ADGRL2: variants seen among roughly 807,000 people sequenced by gnomAD.
ADGRL2 encodes adhesion G protein-coupled receptor L2.
ADGRL2 carries 44 observed loss-of-function variants against 157.4 expected under a neutral mutation model. The observed-to-expected ratio is 0.28, with a 90% CI of 0.22 to 0.36. ADGRL2 has a LOEUF of 0.36. ADGRL2 is among the 10% of genes least tolerant of loss of function. The probability of loss-of-function intolerance (pLI) is 1.00; values close to 1 mark genes in which losing one functional copy is unlikely to be tolerated. For synonymous variants in ADGRL2, 585 were observed against 624.7 expected, an observed-to-expected ratio of 0.94 and a Z score of 0.95; for missense variants, 1,510 against 1,768.9, an observed-to-expected ratio of 0.85 and a Z score of 2.63.
chr1:81,563,618 T>A (rs1307149600), intron 2 of ADGRL2, among the ~76,000 whole-genome samples: 1 of 151,976 alleles, frequency 6.6e-6, no homozygotes, highest in Non-Finnish European at 1.5e-5. Context: ...AGCTAAAAAC[T>A]CACTCTTTTT....
At chr1:81,550,149 A>G (rs1570466949) in intron 2 of ADGRL2, among the ~76,000 whole-genome samples, 1 of 152,194 alleles carries the variant, frequency 6.6e-6, no homozygotes, top group Non-Finnish European at 1.5e-5. Flanking sequence ...GATAGCACAG[A>G]TGGAAGATGC....
intron 3 of ADGRL2, among the ~76,000 whole-genome samples, chr1:81,609,149 C>T (rs910696249): frequency 2.6e-5 from 4 of 151,814 alleles, no homozygotes; most frequent in African/African-American, 4.8e-5. Context: ...AAGTGATTCT[C>T]GTGCCTTAGC....
chr1:81,605,076 A>G (rs965013354), intron 3 of ADGRL2, among the ~76,000 whole-genome samples: 7 of 152,248 alleles, frequency 4.6e-5, no homozygotes, highest in African/African-American at 7.2e-5. Flanking sequence ...ACTACCAACC[A>G]CATAACCTGA....
intron 1 of ADGRL2, among the ~76,000 whole-genome samples, chr1:81,831,357 A>G (rs7534946): frequency 2.3e-4 from 35 of 152,276 alleles, no homozygotes; most frequent in African/African-American, 8.4e-4. Flanking sequence ...TTTAGCTGTT[A>G]TTACCTAAGG....
chr1:81,928,207 T>C (rs1316047883), intron 3 of ADGRL2, among the ~76,000 whole-genome samples: 1 of 152,122 alleles, frequency 6.6e-6, no homozygotes, highest in East Asian at 1.9e-4. Context: ...TATGGAGAAG[T>C]GATTAGTAGC....
chr1:81,509,539 A>G (rs2079038686), intron 2 of ADGRL2, among the ~76,000 whole-genome samples: 2 of 152,168 alleles, frequency 1.3e-5, no homozygotes, highest in African/African-American at 4.8e-5. Context: ...ATTTACTGTA[A>G]ACCTTGTGCC....
chr1:81,767,869 G>GA (rs1225496041), intron 2 of ADGRL2, among the ~76,000 whole-genome samples: 19,670 of 112,134 alleles, frequency 0.18, 2,018 homozygotes, highest in East Asian at 0.58. Context: ...AAAAAAAAAA[G>GA]AAAAAAAAAA....
intron 1 of ADGRL2, among the ~76,000 whole-genome samples, chr1:81,802,958 G>T (rs1016861649): frequency 1.3e-5 from 2 of 152,074 alleles, no homozygotes; most frequent in Non-Finnish European, 2.9e-5. Flanking sequence ...GGGCGGCCTC[G>T]TGGGTCGGGA....
At chr1:81,534,068 A>C (rs2148274159) in intron 2 of ADGRL2, among the ~76,000 whole-genome samples, 1 of 152,362 alleles carries the variant, frequency 6.6e-6, no homozygotes, top group African/African-American at 2.4e-5. Flanking sequence ...GTTTATTAAA[A>C]TGTGGGTGTC....
At chr1:81,705,464 T>C (rs1330226937) in intron 1 of ADGRL2, among the ~76,000 whole-genome samples, 1 of 151,970 alleles carries the variant, frequency 6.6e-6, no homozygotes, top group East Asian at 2.0e-4. Flanking sequence ...GCCAGACTGG[T>C]CTCGAACCCC....
At chr1:81,772,346 G>C (rs2086409399) in intron 2 of ADGRL2, among the ~76,000 whole-genome samples, 1 of 151,326 alleles carries the variant, frequency 6.6e-6, no homozygotes, top group South Asian at 2.1e-4. Flanking sequence ...TAATAATACA[G>C]AAAAGTTTAA....
At chr1:81,433,726 T>G (rs1365256871) in intron 1 of ADGRL2, among the ~76,000 whole-genome samples, 3 of 152,212 alleles carry the variant, frequency 2.0e-5, no homozygotes, top group Admixed American at 2.0e-4. Context: ...ACCCTGAAAT[T>G]TAATGGCTTG....
intron 1 of ADGRL2, among the ~76,000 whole-genome samples, chr1:81,352,764 A>G (rs1369939439): frequency 2.0e-5 from 3 of 152,082 alleles, no homozygotes; most frequent in Admixed American, 6.6e-5. Flanking sequence ...TAGAAGGGAG[A>G]CATATACATA....
chr1:81,337,617 T>G (rs1470805922), intron 1 of ADGRL2, among the ~76,000 whole-genome samples: 1 of 152,236 alleles, frequency 6.6e-6, no homozygotes, highest in Non-Finnish European at 1.5e-5. Context: ...TGTGTTTTCA[T>G]GGTTGCTAAT....
intron 3 of ADGRL2, among the ~76,000 whole-genome samples, chr1:81,651,092 A>C (rs1228259406): frequency 6.6e-6 from 1 of 152,218 alleles, no homozygotes; most frequent in African/African-American, 2.4e-5. Context: ...AAGGGAGATC[A>C]GAATAGAGTC....
intron 2 of ADGRL2, among the ~76,000 whole-genome samples, chr1:81,454,736 C>A (rs1174962491): frequency 6.6e-6 from 1 of 152,130 alleles, no homozygotes; most frequent in Non-Finnish European, 1.5e-5. Flanking sequence ...AAGAGCGATC[C>A]TTTCATCATC....
intron 2 of ADGRL2, among the ~76,000 whole-genome samples, chr1:81,872,715 C>A (rs1006850726): frequency 3.3e-5 from 5 of 152,122 alleles, no homozygotes; most frequent in African/African-American, 1.2e-4. Context: ...TCTAAAAAGT[C>A]ATTGCCAAGA....
At chr1:81,547,946 T>A (rs150502314) in intron 2 of ADGRL2, among the ~76,000 whole-genome samples, 59 of 152,340 alleles carry the variant, frequency 3.9e-4, no homozygotes, top group African/African-American at 1.3e-3. Context: ...ATCAATGTTA[T>A]TTTATGTTTT....
At chr1:81,488,943 A>T (rs180861954) in intron 2 of ADGRL2, among the ~76,000 whole-genome samples, 189 of 152,294 alleles carry the variant, frequency 1.2e-3, no homozygotes, top group Non-Finnish European at 2.3e-3. Flanking sequence ...CAATTAAGAG[A>T]TGGAAAATCT....
Sources: gnomAD v4.1 joint callset for allele counts (sites outside exome capture counted in the v4.1 genomes callset) on GRCh38, gnomAD v4.1.1 for gene constraint, MANE v1.5 for transcripts, NCBI Gene and HGNC (gene_info 2026-07-23, HGNC 2026-07-21) for gene names.